The following METTL5 variants were observed in gnomAD, a reference collection of about 807,000 sequenced individuals.
The protein encoded by METTL5 is rRNA N(6)-adenosine-methyltransferase METTL5.
A neutral mutation model predicts 26.5 loss-of-function variants in METTL5; 28 were observed. The observed-to-expected ratio is 1.06, with a 90% CI of 0.78 to 1.45. METTL5 has a LOEUF of 1.45. METTL5 is among the 40% of genes most tolerant of loss of function. The pLI is 0.00. For missense variants in METTL5, 231 were observed against 249.9 expected (o/e 0.92, Z 0.51); for synonymous variants, 86 against 82.6 (o/e 1.04, Z -0.22).
chr2:169,811,858 C>T lies in METTL5; in HGVS notation c.592G>A (p.Val198Met). 6.2e-7 allele frequency: 1 copy of T among 1,611,958 alleles called. No homozygotes were observed. The highest frequency in any genetic ancestry group is 1.1e-5 in the South Asian group (1 of 90,196). Residue 198 changes from valine (V) to methionine (M), a missense_variant and splice_region_variant, in exon 7 of 7, where the codon GTG becomes ATG. Physicochemically the swap from Val to Met is conservative, Grantham distance 21. Transcript: ENST00000260953. ...CGAATTAGGTCCACTTCAATGTCCA[C>T]CTGTGAGAAAGGAAAAATTTTTTTG... ...ASYKFHKKKS[V>M]DIEVDLIRFS...
At chr2:169,816,746 G>A (rs185444220) in intron 4 of METTL5, among the ~76,000 whole-genome samples, 2 of 152,212 alleles carry the variant, frequency 1.3e-5, no homozygotes, top group African/African-American at 4.8e-5. Context: ...CTAGCCATAT[G>A]CAGAAAACTG....
At chr2:169,823,047 G>A (rs1157189810) in intron 1 of METTL5, among the ~76,000 whole-genome samples, 1 of 151,572 alleles carries the variant, frequency 6.6e-6, no homozygotes, top group Non-Finnish European at 1.5e-5. Flanking sequence ...GTGCAGTGGC[G>A]GATCAGAGCT....
At chr2:169,821,345 G>C in intron 2 of METTL5, 72 bp from the exon 3 acceptor site, 1 of 836,702 alleles carries the variant, frequency 1.2e-6, no homozygotes, top group Non-Finnish European at 1.8e-6. Context: ...AAAATTAGCT[G>C]TTTTTTTTTT....
chr2:169,822,993 GTTT>G (rs199892089), intron 1 of METTL5, among the ~76,000 whole-genome samples: 3 of 149,842 alleles, frequency 2.0e-5, no homozygotes, highest in African/African-American at 7.4e-5. Context: ...GTTTTTTGTT[GTTT>G]TTTTTCAGAG....
At chr2:169,814,609 CTG>C (rs1690087485) in intron 5 of METTL5, among the ~76,000 whole-genome samples, 2 of 136,162 alleles carry the variant, frequency 1.5e-5, no homozygotes, top group South Asian at 4.7e-4. Flanking sequence ...GAATCTCACT[CTG>C]TTGCTTAGGC....
At chr2:169,821,003 T>C in intron 3 of METTL5, 89 bp downstream of exon 3, 1 of 1,106,768 alleles carries the variant, frequency 9.0e-7, no homozygotes, top group Non-Finnish European at 1.3e-6. Flanking sequence ...GCACTGGCAT[T>C]ACACGCCTGA....
intron 3 of METTL5, 38 bp from the exon 4 acceptor site, chr2:169,819,681 C>T (rs1003281993): frequency 1.4e-6 from 2 of 1,382,292 alleles, no homozygotes; most frequent in Non-Finnish European, 2.0e-6. Context: ...TTTACCTCTT[C>T]TCAAAACAGA....
rs955290068 is a variant in METTL5, at chr2:169,824,820, G to A, written c.-223C>T. On this transcript the variant is annotated 5_prime_UTR_variant, in exon 1 of 7. Coordinates refer to ENST00000260953, the MANE Select transcript of METTL5 (RefSeq NM_014168.4). The stretch of plus-strand genomic sequence containing the variant: ...CAAGCCGCCCCAGGAGACGGCGGCG[G>A]CGCACTGCTGGAGCAGCCTCAGGAT... 26 of 460,896 alleles carry A rather than the reference G, an allele frequency of 5.6e-5. No individual in the cohort carries two copies. The highest frequency in any genetic ancestry group is 3.8e-4 in the African/African-American group (19 of 50,558). The allele number at this position is 460,896 out of a possible 1,614,324, so 28.6% of individuals were successfully genotyped here. A position where few individuals can be genotyped will look rare whatever the true frequency, so the allele number is the denominator to read the frequency against.
intron 4 of METTL5, among the ~76,000 whole-genome samples, chr2:169,818,669 C>A (rs560841321): frequency 6.6e-6 from 1 of 152,284 alleles, no homozygotes; most frequent in African/African-American, 2.4e-5. Flanking sequence ...TTATTTCCAA[C>A]TGGGTTCTTA....
At chr2:169,815,406 C>A (rs1428327531) in intron 5 of METTL5, 71 bp downstream of exon 5, 6 of 1,047,714 alleles carry the variant, frequency 5.7e-6, no homozygotes, top group Non-Finnish European at 7.3e-6. Context: ...CTTCTCAGCA[C>A]CTGCATGAAA....
At chr2:169,818,544 T>G (rs1278711879) in intron 4 of METTL5, among the ~76,000 whole-genome samples, 1 of 152,228 alleles carries the variant, frequency 6.6e-6, no homozygotes, top group Non-Finnish European at 1.5e-5. Flanking sequence ...AGCTATGTTG[T>G]GTCCTGTTGC....
intron 5 of METTL5, 151 bp from the exon 6 acceptor site, chr2:169,812,657 C>T (rs1690011938): frequency 1.3e-6 from 1 of 761,212 alleles, no homozygotes; most frequent in Non-Finnish European, 2.0e-6. Flanking sequence ...GTAGTGACTT[C>T]TGTATTCCTA....
intron 5 of METTL5, among the ~76,000 whole-genome samples, chr2:169,815,203 G>A (rs2081480759): frequency 6.6e-6 from 1 of 152,130 alleles, no homozygotes; most frequent in Admixed American, 6.6e-5. Flanking sequence ...CCCAGCCCAT[G>A]TTTTTAGCCA....
chr2:169,814,626 G>A (rs890716015), intron 5 of METTL5, among the ~76,000 whole-genome samples: 2 of 145,604 alleles, frequency 1.4e-5, no homozygotes, highest in African/African-American at 5.1e-5. Context: ...TTAGGCTAGA[G>A]AGCAGTGGCG....
At chr2:169,813,865 CA>C (rs1218600266) in intron 5 of METTL5, among the ~76,000 whole-genome samples, 1 of 151,712 alleles carries the variant, frequency 6.6e-6, no homozygotes, top group African/African-American at 2.4e-5. Flanking sequence ...GACTCCATCT[CA>C]AACAACAAAA....
intron 3 of METTL5, among the ~76,000 whole-genome samples, chr2:169,820,032 AC>A (rs2081563355): frequency 6.6e-6 from 1 of 151,412 alleles, no homozygotes; most frequent in Non-Finnish European, 1.5e-5. Flanking sequence ...ATCTCAGCTC[AC>A]CGCAACCTCC....
At chr2:169,823,914 C>T (rs919519871) in intron 1 of METTL5, among the ~76,000 whole-genome samples, 1 of 152,158 alleles carries the variant, frequency 6.6e-6, no homozygotes, top group African/African-American at 2.4e-5. Context: ...TCTTGTACTC[C>T]CAGTATCAAT....
chr2:169,821,240 T>G lies in METTL5; in HGVS notation c.258A>C (p.Ala86=). ...LCVGFDIDED[A]LEIFNRNAEE... The stretch of plus-strand genomic sequence containing the variant: ...CTGCATTCCTATTAAATATTTCCAA[T>G]GCGTCTTCATCTATGTCAAATCCAA... The change falls in exon 3 of 7, where the codon GCA becomes GCC. Residue 86 remains alanine (A), a synonymous_variant. Transcript: ENST00000260953. The G allele has an allele frequency of 6.2e-7, 1 of 1,611,820 alleles. No homozygotes were observed. The highest frequency in any genetic ancestry group is 8.5e-7 in the Non-Finnish European group (1 of 1,179,190).
rs1006975738 is a variant in METTL5 at position 169,812,649 on chromosome 2, A to T, written c.542-143T>A. The T allele has an allele frequency of 4.8e-6, 4 of 834,278 alleles. No homozygotes were observed. In the African/African-American group the frequency reaches 6.9e-5, roughly 14 times the overall value. 51.7% of individuals were successfully genotyped at this position (834,278 alleles called of 1,614,324 possible). On this transcript the variant is annotated intron_variant, in intron 5 of 6. Coordinates refer to ENST00000260953, the MANE Select transcript of METTL5 (RefSeq NM_014168.4). ...TTTAGAACCTTTAACTTATCCAAGT[A>T]GTGACTTCTGTATTCCTAGCATTAG...
Sources: gnomAD v4.1 joint callset for allele counts (sites outside exome capture counted in the v4.1 genomes callset) on GRCh38, gnomAD v4.1.1 for gene constraint, MANE v1.5 for transcripts, NCBI Gene and HGNC (gene_info 2026-07-23, HGNC 2026-07-21) for gene names.